The following REV1 variants were observed in gnomAD, a reference collection of about 807,000 sequenced individuals.
The protein encoded by REV1 is translesion synthesis protein REV1.
A neutral mutation model predicts 137.4 loss-of-function variants in REV1; 42 were observed. The ratio of observed to expected loss-of-function variants is 0.31; its 90% CI spans 0.24 to 0.40. REV1 has a LOEUF of 0.40. Among genes scored for constraint, REV1 ranks in the 10% least tolerant of loss-of-function variants. REV1 has a pLI of 1.00. For synonymous variants in REV1, 524 were observed against 519.2 expected (o/e 1.01, Z -0.12); for missense variants, 1,282 against 1,490.1 (o/e 0.86, Z 2.30).
chr2:99,401,215 G>A lies in REV1; in HGVS notation c.*26C>T. On this transcript the variant is annotated 3_prime_UTR_variant, in exon 23 of 23. Coordinates refer to ENST00000258428, the MANE Select transcript of REV1 (RefSeq NM_016316.4). ...ACAAGCACTTATGGCACAGCTATCA[G>A]AGAGCATCAGGCTCTCTGGTAATAT... is the stretch of plus-strand genomic sequence containing the variant. The A allele has an allele frequency of 7.1e-7, 1 of 1,402,706 alleles. No homozygotes were observed. The highest frequency in any genetic ancestry group is 1.0e-6 in the Non-Finnish European group (1 of 988,044). 86.9% of individuals were successfully genotyped at this position (1,402,706 alleles called of 1,614,324 possible).
At chr2:99,470,952 A>G (rs1685343125) in intron 1 of REV1, among the ~76,000 whole-genome samples, 1 of 152,166 alleles carries the variant, frequency 6.6e-6, no homozygotes, top group African/African-American at 2.4e-5. Flanking sequence ...AAGCATTCCA[A>G]AGAGGTTTAT....
intron 9 of REV1, among the ~76,000 whole-genome samples, chr2:99,426,062 TA>T (rs1296634665): frequency 7.0e-6 from 1 of 143,436 alleles, no homozygotes; most frequent in African/African-American, 2.6e-5. Flanking sequence ...AATATGTTTA[TA>T]GTCCAGGCGC....
At position 99,434,742 on chromosome 2, in the gene REV1, T is replaced by C. The variant is rs556728276; in HGVS notation, c.1322-294A>G. ...ATGGTTTTTGTTTGATTTCGTACTG[T>C]AGGAAAGAGGCAACTCAAGAGTCTA... On this transcript the variant is annotated intron_variant, in intron 7 of 22. Transcript: ENST00000258428. Among the ~76,000 whole-genome samples, 4 of 152,288 alleles carry C rather than the reference T, an allele frequency of 2.6e-5. No homozygotes were observed. In the South Asian group the frequency reaches 8.3e-4, roughly 32 times the overall value.
chr2:99,416,343 CTATATGAAACCCCTTTT>C (rs1429604002), intron 12 of REV1, among the ~76,000 whole-genome samples: 1 of 152,358 alleles, frequency 6.6e-6, no homozygotes, highest in African/African-American at 2.4e-5. Flanking sequence ...GTTCCCTCTC[CTATATGAAACCCCTTTT>C]TAAAGGAACA....
chr2:99,463,894 G>A (rs1303749149), intron 2 of REV1, among the ~76,000 whole-genome samples: 1 of 152,160 alleles, frequency 6.6e-6, no homozygotes, highest in Non-Finnish European at 1.5e-5. Context: ...AAAGTGCTGG[G>A]ATTACAGGTG....
At chr2:99,408,229 G>T in intron 14 of REV1, 98 bp from the exon 15 acceptor site, 1 of 589,070 alleles carries the variant, frequency 1.7e-6, no homozygotes, top group Non-Finnish European at 2.8e-6. Flanking sequence ...TAGAAAAGTT[G>T]TAAACAGTTA....
In REV1 at chr2:99,402,671, G is replaced by A; in HGVS notation, c.3514C>T (p.Leu1172Phe). Residue 1172 changes from leucine to phenylalanine, a missense_variant, in exon 21 of 23, where the codon CTC becomes TTC. Physicochemically the swap from Leu to Phe is conservative, Grantham distance 22. Coordinates refer to ENST00000258428, the MANE Select transcript of REV1 (RefSeq NM_016316.4). ...GAAATTGTAGTTATCCATTCTCTGA[G>A]CAAGGTCTTCACATCATTGAATTCA... ...AVEFNDVKTL[L>F]REWITTISDP... 6.2e-7 allele frequency: 1 copy of A among 1,614,130 alleles called. No individual in the cohort carries two copies. The highest frequency in any genetic ancestry group is 8.5e-7 in the Non-Finnish European group (1 of 1,180,000).
chr2:99,483,218 C>G (rs920310738), intron 1 of REV1, among the ~76,000 whole-genome samples: 1 of 151,736 alleles, frequency 6.6e-6, no homozygotes, highest in Admixed American at 6.6e-5. Flanking sequence ...TTTAAAAGAG[C>G]AAAAAATCTA....
intron 8 of REV1, 51 bp from the exon 9 acceptor site, chr2:99,429,999 C>T (rs756231368): frequency 9.7e-6 from 11 of 1,137,186 alleles, no homozygotes; most frequent in African/African-American, 6.5e-5. Flanking sequence ...CTGATTTTCC[C>T]TCACTTTTTC....
chr2:99,479,558 TG>T (rs913211590), intron 1 of REV1, among the ~76,000 whole-genome samples: 2 of 151,822 alleles, frequency 1.3e-5, no homozygotes, highest in Non-Finnish European at 2.9e-5. Context: ...CCAGCATTTT[TG>T]GAGGCCAAGG....
At chr2:99,484,971 C>G (rs1416874392) in intron 1 of REV1, among the ~76,000 whole-genome samples, 2 of 152,166 alleles carry the variant, frequency 1.3e-5, no homozygotes, top group African/African-American at 4.8e-5. Flanking sequence ...TAAGACACTG[C>G]ACCTAGGAAA....
At chr2:99,483,258 T>C (rs1194961876) in intron 1 of REV1, among the ~76,000 whole-genome samples, 3 of 152,110 alleles carry the variant, frequency 2.0e-5, no homozygotes, top group African/African-American at 7.2e-5. Context: ...CTCAGACCAG[T>C]GCCTAAAAGA....
chr2:99,411,963 G>T (rs2104472977), intron 13 of REV1, among the ~76,000 whole-genome samples: 1 of 152,012 alleles, frequency 6.6e-6, no homozygotes, highest in East Asian at 1.9e-4. Flanking sequence ...GCCGGGCGCA[G>T]TGGCTCACAT....
chr2:99,432,962 C>T (rs939302857), intron 8 of REV1, among the ~76,000 whole-genome samples: 11 of 152,028 alleles, frequency 7.2e-5, no homozygotes, highest in African/African-American at 2.7e-4. Flanking sequence ...TGTAGGCTGC[C>T]GATAAAAGGA....
chr2:99,427,940 A>G (rs572671433), intron 9 of REV1, among the ~76,000 whole-genome samples: 3 of 152,308 alleles, frequency 2.0e-5, no homozygotes, highest in South Asian at 4.1e-4. Context: ...AGGTAAATTT[A>G]TATTTACCGT....
chr2:99,434,443 GT>G lies in REV1; in HGVS notation c.1326del (p.Lys442AsnfsTer34). The G allele has an allele frequency of 6.3e-7, 1 of 1,591,338 alleles. No homozygotes were observed. The highest frequency in any genetic ancestry group is 8.6e-7 in the Non-Finnish European group (1 of 1,168,116). On this transcript the variant is annotated frameshift_variant, in exon 8 of 23. Coordinates refer to ENST00000258428, the MANE Select transcript of REV1 (RefSeq NM_016316.4). LOFTEE classifies it high-confidence loss of function. ...CCTCTGTTACTTGTAACAGCCACTG[GT>G]TTTCCTGTGAGGAAAATATTAAATT... Reference protein sequence around the residue: ...GIRNRPDLKGKPVAVTSNRGT... With the variant: ...GIRNRPDLKGXPVAVTSNRGT...
intron 1 of REV1, among the ~76,000 whole-genome samples, chr2:99,483,433 T>A (rs948875448): frequency 3.3e-5 from 5 of 152,228 alleles, no homozygotes; most frequent in African/African-American, 1.2e-4. Context: ...CTTTGCTTAA[T>A]AGGCTATGAG....
intron 11 of REV1, among the ~76,000 whole-genome samples, chr2:99,419,431 C>T (rs755945616): frequency 1.3e-5 from 2 of 151,750 alleles, no homozygotes; most frequent in East Asian, 1.9e-4. Context: ...AGGATGGTCT[C>T]GATCTCCTGA....
chr2:99,479,265 T>C (rs1311446911), intron 1 of REV1, among the ~76,000 whole-genome samples: 1 of 145,666 alleles, frequency 6.9e-6, no homozygotes, highest in Non-Finnish European at 1.5e-5. Context: ...AGTCAGAGGC[T>C]GCAGTCAGCC....
Sources: allele counts gnomAD v4.1 joint callset (sites outside exome capture counted in the v4.1 genomes callset), GRCh38; gene constraint gnomAD v4.1.1; transcripts MANE v1.5; gene names NCBI Gene and HGNC (gene_info 2026-07-23, HGNC 2026-07-21).